ARMCX1: variants seen among roughly 807,000 people sequenced by gnomAD.
ARMCX1 encodes the protein armadillo repeat containing X-linked 1, also known as armadillo repeat-containing X-linked protein 1.
ARMCX1 carries 4 observed loss-of-function variants against 15.4 expected under a neutral mutation model. The observed-to-expected ratio is 0.26, with a 90% CI of 0.13 to 0.59. ARMCX1 has a LOEUF of 0.59. Ranked by LOEUF, ARMCX1 falls within the 20% of genes least tolerant of loss-of-function variation. The pLI is 0.89. For synonymous variants in ARMCX1, 144 were observed against 130.5 expected (o/e 1.10, Z -0.71); for missense variants, 273 against 337.1 (o/e 0.81, Z 1.49).
At position 101,552,946 on chromosome X, in the gene ARMCX1, G is replaced by A; in HGVS notation, c.16G>A (p.Glu6Lys). 1 of 1,210,374 alleles carries A rather than the reference G, an allele frequency of 8.3e-7. No homozygotes were observed. The highest frequency in any genetic ancestry group is 1.1e-6 in the Non-Finnish European group (1 of 894,742). ...CAGCTATACCATGGGCCGCACTCGG[G>A]AAGCTGGCTGCGTGGCCGCTGGTGT... is the stretch of plus-strand genomic sequence containing the variant. MGRTR[E>K]AGCVAAGVVI... The change falls in exon 4 of 4, where the codon GAA becomes AAA. Residue 6 changes from glutamate (E) to lysine (K), a missense_variant. Physicochemically the swap from Glu to Lys is moderately conservative, Grantham distance 56. Around this residue, in one of 2 missense-constraint regions of ARMCX1, gnomAD observed 147 missense variants for 143.5 expected, o/e 1.02. Coordinates refer to ENST00000372829, the MANE Select transcript of ARMCX1 (RefSeq NM_016608.2).
rs782001328 is a variant in ARMCX1 at position 101,550,958 on chromosome X, C to G, written c.-241-13C>G. ...GGGCTGTGCGTCTGACAGTCATACC[C>G]CTTTTCTTTCAGTAGGACGCTGTGC... On this transcript the variant is annotated splice_polypyrimidine_tract_variant and intron_variant, in intron 1 of 3. Transcript: ENST00000372829. 9.0e-6 allele frequency: 1 copy of G among 110,737 alleles called. No individual in the cohort carries two copies. Among genetic ancestry groups the G allele is most frequent in the South Asian group, 3.9e-4 (1 of 2,587 alleles). 9.1% of individuals were successfully genotyped at this position (110,737 alleles called of 1,213,427 possible).
rs782513941 is a variant in ARMCX1 at position 101,554,049 on chromosome X, G to C, written c.1119G>C (p.Leu373Phe). The C allele has an allele frequency of 1.7e-6, 2 of 1,210,751 alleles. No homozygotes were observed. The highest frequency in any genetic ancestry group is 3.5e-5 in the South Asian group (2 of 56,862). ...TCAGTTGTAAAGTACCATCAGAATT[G>C]ATTTCCCTCTTTAATAAAGAATGGG... The part of the protein sequence containing the change: ...ELVSCKVPSE[L>F]ISLFNKEWDR... Residue 373 changes from leucine to phenylalanine, a missense_variant, in exon 4 of 4, where the codon TTG becomes TTC. Leu to Phe is a conservative substitution (Grantham distance 22, BLOSUM62 0). Transcript: ENST00000372829.
rs1935413112 is a variant in ARMCX1 at position 101,554,334 on chromosome X, G to A, written c.*42G>A. The A allele has an allele frequency of 1.8e-6, 2 of 1,108,899 alleles. No individual in the cohort carries two copies. The highest frequency in any genetic ancestry group is 3.7e-5 in the African/African-American group (2 of 53,926). The allele number at this position is 1,108,899 out of a possible 1,213,427, so 91.4% of individuals were successfully genotyped here. On this transcript the variant is annotated 3_prime_UTR_variant, in exon 4 of 4. Coordinates refer to ENST00000372829, the MANE Select transcript of ARMCX1 (RefSeq NM_016608.2). ...AACAATATTGAGATATTTGCAGTTG[G>A]TACGATGTGATTTGTAAATTCTTTG... is the stretch of plus-strand genomic sequence containing the variant.
At position 101,552,395 on chromosome X, in the gene ARMCX1, T is replaced by C. The variant is rs1935391318; in HGVS notation, c.-122-414T>C. Among the ~76,000 whole-genome samples, 6 of 111,130 alleles carry C rather than the reference T, an allele frequency of 5.4e-5. 1 individual carries two copies. In the South Asian group the frequency reaches 2.3e-3, roughly 43 times the overall value. ...TGTGCCCCGTCCCGGGTGAGATCTA[T>C]ATGTACCCAGAGCTCTCAGTACCCC... On this transcript the variant is annotated intron_variant, in intron 3 of 3. Coordinates refer to ENST00000372829, the MANE Select transcript of ARMCX1 (RefSeq NM_016608.2).
In ARMCX1 at chrX:101,554,022, G is replaced by T. The variant is rs1556027488; in HGVS notation, c.1092G>T (p.Leu364=). Reference sequence around the variant, plus strand: ...AAAATCCAGCCATGACAAGAGAGCTGGTCAGTTGTAAAGTACCATCAGAAT... The same window carrying T: ...AAAATCCAGCCATGACAAGAGAGCTTGTCAGTTGTAAAGTACCATCAGAAT... The part of the protein sequence containing the change: ...FTENPAMTRE[L]VSCKVPSELI... Residue 364 remains leucine (L), a synonymous_variant, in exon 4 of 4, where the codon CTG becomes CTT. Coordinates refer to ENST00000372829, the MANE Select transcript of ARMCX1 (RefSeq NM_016608.2). 8.3e-7 allele frequency: 1 copy of T among 1,211,002 alleles called. No individual in the cohort carries two copies. The highest frequency in any genetic ancestry group is 1.1e-6 in the Non-Finnish European group (1 of 895,040).
rs1556027408 is a variant in ARMCX1 at position 101,553,560 on chromosome X, C to T, written c.630C>T (p.Val210=). The change falls in exon 4 of 4, where the codon GTC becomes GTT. Residue 210 remains valine (V), a synonymous_variant. Coordinates refer to ENST00000372829, the MANE Select transcript of ARMCX1 (RefSeq NM_016608.2). ...DILSAPDLQK[V]LNILERTNDP... is the part of the protein sequence containing the mutation. ...TGAGTGCTCCCGACCTCCAAAAGGT[C>T]CTCAACATCCTGGAGCGAACAAATG... 10 of 1,211,605 alleles carry T rather than the reference C, an allele frequency of 8.3e-6. No homozygotes were observed. The highest frequency in any genetic ancestry group is 1.1e-5 in the Non-Finnish European group (10 of 895,351).
chrX:101,553,545 C>T lies in ARMCX1; in HGVS notation c.615C>T (p.Pro205=), dbSNP rs782645448. 9.9e-6 allele frequency: 12 copies of T among 1,209,841 alleles called. No individual in the cohort carries two copies. Among genetic ancestry groups the T allele is most frequent in the African/African-American group, 3.5e-5 (2 of 57,131 alleles). ...AAATTGATGATATTCTGAGTGCTCC[C>T]GACCTCCAAAAGGTCCTCAACATCC... is the stretch of plus-strand genomic sequence containing the variant. ...PYKIDDILSA[P]DLQKVLNILE... The change falls in exon 4 of 4, where the codon CCC becomes CCT. Residue 205 remains proline (P), a synonymous_variant. Coordinates refer to ENST00000372829, the MANE Select transcript of ARMCX1 (RefSeq NM_016608.2).
Position 101,553,995 on chromosome X carries a change from TGAAAATCCAGCCATGACAAGA to T in ARMCX1, c.1068_1088del (p.Asn357_Glu363del). 1 of 1,211,291 alleles carries T rather than the reference TGAAAATCCAGCCATGACAAGA, an allele frequency of 8.3e-7. No homozygotes were observed. Among genetic ancestry groups the T allele is most frequent in the Non-Finnish European group, 1.1e-6 (1 of 895,152 alleles). ...TTATGAAACTAATTATAAACTTTAC[TGAAAATCCAGCCATGACAAGA>T]GAGCTGGTCAGTTGTAAAGTACCAT... On this transcript the variant is annotated inframe_deletion, in exon 4 of 4. Transcript: ENST00000372829.
At position 101,550,958 on chromosome X, in the gene ARMCX1, C is replaced by T. The variant is rs782001328; in HGVS notation, c.-241-13C>T. On this transcript the variant is annotated splice_polypyrimidine_tract_variant and intron_variant, in intron 1 of 3. Coordinates refer to ENST00000372829, the MANE Select transcript of ARMCX1 (RefSeq NM_016608.2). ...GGGCTGTGCGTCTGACAGTCATACCCCTTTTCTTTCAGTAGGACGCTGTGC... is the reference window on the plus strand; with the variant it reads ...GGGCTGTGCGTCTGACAGTCATACCTCTTTTCTTTCAGTAGGACGCTGTGC... 2 of 110,791 alleles carry T rather than the reference C, an allele frequency of 1.8e-5. No individual in the cohort carries two copies. The highest frequency in any genetic ancestry group is 6.6e-5 in the African/African-American group (2 of 30,420). The allele number at this position is 110,791 out of a possible 1,213,427, so 9.1% of individuals were successfully genotyped here.
At position 101,554,094 on chromosome X, in the gene ARMCX1, T is replaced by C. The variant is rs1935411187; in HGVS notation, c.1164T>C (p.Asn388=). 1 of 1,208,402 alleles carries C rather than the reference T, an allele frequency of 8.3e-7. No individual in the cohort carries two copies. Residue 388 remains asparagine, a synonymous_variant, in exon 4 of 4, where the codon AAT becomes AAC. Coordinates refer to ENST00000372829, the MANE Select transcript of ARMCX1 (RefSeq NM_016608.2). ...AATGGGATAGAGAGATTCTTCTTAATATCCTTACCCTATTTGAGAATATAA... is the reference window on the plus strand; with the variant it reads ...AATGGGATAGAGAGATTCTTCTTAACATCCTTACCCTATTTGAGAATATAA... ...NKEWDREILL[N]ILTLFENIND...
rs1935396764 is a variant in ARMCX1 at position 101,552,897 on chromosome X, G to GTT, written c.-33_-32insTT. The GTT allele has an allele frequency of 8.5e-7, 1 of 1,181,667 alleles. No homozygotes were observed. The highest frequency in any genetic ancestry group is 1.1e-6 in the Non-Finnish European group (1 of 880,026). On this transcript the variant is annotated 5_prime_UTR_variant, in exon 4 of 4. Transcript: ENST00000372829. ...CTCTGGGCCAGAGCGAGCCTGTTTT[G>GTT]TGCTCGGGTTAAGAGATTTGTCCCA...
In ARMCX1 at chrX:101,550,636, C is replaced by G. The variant is rs1935368470; in HGVS notation, c.-266C>G. 8.9e-6 allele frequency: 1 copy of G among 112,169 alleles called. No homozygotes were observed. The highest frequency in any genetic ancestry group is 3.7e-4 in the South Asian group (1 of 2,682). The allele number at this position is 112,169 out of a possible 1,213,427, so 9.2% of individuals were successfully genotyped here. A position where few individuals can be genotyped will look rare whatever the true frequency, so the allele number is the denominator to read the frequency against. On this transcript the variant is annotated 5_prime_UTR_variant, in exon 1 of 4. Coordinates refer to ENST00000372829, the MANE Select transcript of ARMCX1 (RefSeq NM_016608.2). ...GGCCTGTGGCCTGGGGGAAGGAGGA[C>G]GAGGTTCTGCCTGGATCCCAGCAGG...
At position 101,552,902 on chromosome X, in the gene ARMCX1, CG is replaced by C; in HGVS notation, c.-26del. 1 of 1,184,752 alleles carries C rather than the reference CG, an allele frequency of 8.4e-7. No homozygotes were observed. On this transcript the variant is annotated 5_prime_UTR_variant, in exon 4 of 4. Coordinates refer to ENST00000372829, the MANE Select transcript of ARMCX1 (RefSeq NM_016608.2). ...GGCCAGAGCGAGCCTGTTTTGTGCTCGGGTTAAGAGATTTGTCCCAGCTATA... is the reference window on the plus strand; with the variant it reads ...GGCCAGAGCGAGCCTGTTTTGTGCTCGGTTAAGAGATTTGTCCCAGCTATA...
chrX:101,553,229 G>T lies in ARMCX1; in HGVS notation c.299G>T (p.Ser100Ile). 8.2e-7 allele frequency: 1 copy of T among 1,212,231 alleles called. No homozygotes were observed. Among genetic ancestry groups the T allele is most frequent in the Non-Finnish European group, 1.1e-6 (1 of 895,623 alleles). Reference protein sequence around the residue: ...VKEKAHSGSHSGGGLEAKAKA... With the variant: ...VKEKAHSGSHIGGGLEAKAKA... ...GAGAAGGCCCATTCAGGATCCCACAGCGGAGGTGGCCTAGAGGCCAAGGCC... is the reference window on the plus strand; with the variant it reads ...GAGAAGGCCCATTCAGGATCCCACATCGGAGGTGGCCTAGAGGCCAAGGCC... The change falls in exon 4 of 4, where the codon AGC (serine) becomes ATC (isoleucine). Residue 100 changes from serine (S) to isoleucine (I), a missense_variant. By Grantham distance (142) the Ser-to-Ile change is moderately radical (BLOSUM62 -2). Around this residue, in one of 2 missense-constraint regions of ARMCX1, gnomAD observed 147 missense variants for 143.5 expected, o/e 1.02. Transcript: ENST00000372829.
Position 101,553,002 on chromosome X carries a change from A to C in ARMCX1, c.72A>C (p.Val24=), listed in dbSNP as rs182450688. ...VVIGAGACYC[V]YRLAWGRDEN... is the part of the protein sequence containing the mutation. ...TCGGGGCTGGTGCCTGCTACTGTGT[A>C]TACAGACTGGCTTGGGGAAGAGACG... Residue 24 remains valine (V), a synonymous_variant, in exon 4 of 4, where the codon GTA becomes GTC. Transcript: ENST00000372829. 8.3e-7 allele frequency: 1 copy of C among 1,211,980 alleles called. No homozygotes were observed. The highest frequency in any genetic ancestry group is 1.1e-6 in the Non-Finnish European group (1 of 895,598).
At chrX:101,552,037 C>A in intron 3 of ARMCX1, among the ~76,000 whole-genome samples, 1 of 85,833 alleles carries the variant, frequency 1.2e-5, no homozygotes, top group Non-Finnish European at 2.3e-5. Flanking sequence ...GCGGCGGTGT[C>A]CTGGTACATT....
rs782335494 is a variant in ARMCX1 at position 101,553,295 on chromosome X, A to G, written c.365A>G (p.Lys122Arg). The G allele has an allele frequency of 1.7e-6, 2 of 1,211,084 alleles. No homozygotes were observed. Among genetic ancestry groups the G allele is most frequent in the South Asian group, 3.5e-5 (2 of 56,757 alleles). The change falls in exon 4 of 4, where the codon AAG becomes AGG. Residue 122 changes from lysine (K) to arginine (R), a missense_variant. By Grantham distance (26) the Lys-to-Arg change is conservative (BLOSUM62 2). Around this residue, in one of 2 missense-constraint regions of ARMCX1, gnomAD observed 147 missense variants for 143.5 expected, o/e 1.02. Coordinates refer to ENST00000372829, the MANE Select transcript of ARMCX1 (RefSeq NM_016608.2). ...ACGCTGAAGGAACAGGCAAGTGCAA[A>G]GGCAGGCAAAGGGGCTAGGGTGGGT... is the stretch of plus-strand genomic sequence containing the variant. ...FNTLKEQASAKAGKGARVGTI... is the reference protein window; with the variant it reads ...FNTLKEQASARAGKGARVGTI...
chrX:101,553,047 C>G lies in ARMCX1; in HGVS notation c.117C>G (p.Asp39Glu). Residue 39 changes from aspartate to glutamate, a missense_variant, in exon 4 of 4, where the codon GAC becomes GAG. Asp to Glu is a conservative substitution (Grantham distance 45). Transcript: ENST00000372829. The stretch of plus-strand genomic sequence containing the variant: ...GAGACGAGAACGAGAAAATCTGGGA[C>G]GAAGACGAGGAGTCTACGGACACCT... ...WGRDENEKIW[D>E]EDEESTDTSE... is the part of the protein sequence containing the mutation. 8.3e-7 allele frequency: 1 copy of G among 1,211,335 alleles called. No homozygotes were observed. The highest frequency in any genetic ancestry group is 1.8e-5 in the South Asian group (1 of 56,964).
Position 101,553,257 on chromosome X carries a change from G to T in ARMCX1, c.327G>T (p.Lys109Asn). The change falls in exon 4 of 4, where the codon AAG becomes AAT. Residue 109 changes from lysine to asparagine, a missense_variant. Around this residue, in one of 2 missense-constraint regions of ARMCX1, gnomAD observed 147 missense variants for 143.5 expected, o/e 1.02. Coordinates refer to ENST00000372829, the MANE Select transcript of ARMCX1 (RefSeq NM_016608.2). ...GAGGTGGCCTAGAGGCCAAGGCCAA[G>T]GCCCTTTTCAACACGCTGAAGGAAC... ...HSGGGLEAKA[K>N]ALFNTLKEQA... 8.3e-7 allele frequency: 1 copy of T among 1,212,075 alleles called. No homozygotes were observed. The highest frequency in any genetic ancestry group is 1.8e-5 in the South Asian group (1 of 57,024).
Sources: gnomAD v4.1 joint callset for allele counts (sites outside exome capture counted in the v4.1 genomes callset) on GRCh38, gnomAD v4.1.1 for gene constraint, gnomAD v4.1.1 regional missense constraint, MANE v1.5 for transcripts, NCBI Gene and HGNC (gene_info 2026-07-23, HGNC 2026-07-21) for gene names.